DMGDH: variants seen among roughly 807,000 people sequenced by gnomAD.
DMGDH encodes dimethylglycine dehydrogenase.
DMGDH carries 76 observed loss-of-function variants against 95.2 expected under a neutral mutation model. That is an observed-to-expected ratio of 0.80 (90% CI 0.66 to 0.97). The LOEUF is 0.97. Ranked by LOEUF, DMGDH falls within the 50% of genes least tolerant of loss-of-function variation. The pLI is 0.00. For missense variants in DMGDH, 987 were observed against 1,055.0 expected, an observed-to-expected ratio of 0.94 and a Z score of 0.89; for synonymous variants, 345 against 377.6, an observed-to-expected ratio of 0.91 and a Z score of 1.00.
chr5:79,025,553 G>C (rs886608797), intron 13 of DMGDH, among the ~76,000 whole-genome samples: 2 of 152,134 alleles, frequency 1.3e-5, no homozygotes, highest in Non-Finnish European at 2.9e-5. Flanking sequence ...TACTATCTAT[G>C]ATAATTCTGT....
chr5:79,018,275 G>A (rs2112608940), intron 14 of DMGDH, among the ~76,000 whole-genome samples: 1 of 152,194 alleles, frequency 6.6e-6, no homozygotes, highest in East Asian at 1.9e-4. Flanking sequence ...CTGGGTTGAG[G>A]CAACCCTTCC....
At chr5:79,060,564 G>A (rs1561230985) in intron 2 of DMGDH, among the ~76,000 whole-genome samples, 1 of 152,004 alleles carries the variant, frequency 6.6e-6, no homozygotes, top group Admixed American at 6.6e-5. Context: ...TCTGCCTCTT[G>A]TTAGCTGGCT....
At chr5:79,000,049 C>T (rs1175215781) in intron 15 of DMGDH, 2 of 316,578 alleles carry the variant, frequency 6.3e-6, no homozygotes, top group Non-Finnish European at 1.2e-5. Flanking sequence ...ATTGTCACCT[C>T]AGCCCATAAC....
At chr5:79,067,235 G>A (rs1181124496) in intron 1 of DMGDH, among the ~76,000 whole-genome samples, 1 of 152,072 alleles carries the variant, frequency 6.6e-6, no homozygotes, top group East Asian at 1.9e-4. Flanking sequence ...TGTTTCACCG[G>A]TTTTTAGATG....
At chr5:79,000,163 G>C in intron 15 of DMGDH, 2 of 578,498 alleles carry the variant, frequency 3.5e-6, no homozygotes, top group South Asian at 1.4e-5. Context: ...AATGTGTGTT[G>C]TTCTTCTCCA....
At chr5:79,000,118 G>GT (rs961956939) in intron 15 of DMGDH, 76 of 455,914 alleles carry the variant, frequency 1.7e-4, no homozygotes, top group East Asian at 3.3e-4. Flanking sequence ...AACATTTTTT[G>GT]TTTTTTTTCC....
intron 2 of DMGDH, among the ~76,000 whole-genome samples, chr5:79,062,489 A>G (rs1755239430): frequency 6.6e-6 from 1 of 151,436 alleles, no homozygotes; most frequent in Non-Finnish European, 1.5e-5. Flanking sequence ...AAATGGGATG[A>G]TGAGCAGGGG....
chr5:78,998,133 G>C lies in DMGDH; in HGVS notation c.2550C>G (p.Thr850=). Residue 850 remains threonine (T), a synonymous_variant, in exon 16 of 16, where the codon ACC becomes ACG. Transcript: ENST00000255189. Reference sequence around the variant, plus strand: ...TCTGAAGCCGGTTTCTGGTTGGTTCGGTCAATACCAAAGGTTCTTGTATGA... The same window carrying C: ...TCTGAAGCCGGTTTCTGGTTGGTTCCGTCAATACCAAAGGTTCTTGTATGA... The part of the protein sequence containing the change: ...AVIIQEPLVL[T]EPTRNRLQKK... 1.2e-6 allele frequency: 2 copies of C among 1,614,076 alleles called. No homozygotes were observed. The highest frequency in any genetic ancestry group is 1.7e-6 in the Non-Finnish European group (2 of 1,180,004).
At chr5:79,011,573 T>C (rs549585886) in intron 14 of DMGDH, among the ~76,000 whole-genome samples, 14 of 152,304 alleles carry the variant, frequency 9.2e-5, no homozygotes, top group Non-Finnish European at 5.9e-5. Flanking sequence ...CTGGGTAATA[T>C]ATAAAGAAAA....
intron 14 of DMGDH, among the ~76,000 whole-genome samples, chr5:79,018,830 C>G (rs899507343): frequency 2.6e-5 from 4 of 152,152 alleles, no homozygotes; most frequent in African/African-American, 9.7e-5. Context: ...TGTTTCATAA[C>G]AGAAATTGGA....
chr5:79,012,522 G>A (rs1289635854), intron 14 of DMGDH, among the ~76,000 whole-genome samples: 1 of 152,232 alleles, frequency 6.6e-6, no homozygotes, highest in African/African-American at 2.4e-5. Flanking sequence ...TGGGGACTCT[G>A]TGTGGGGGCT....
Position 79,026,430 on chromosome 5 carries a change from C to T in DMGDH, c.2184G>A (p.Gly728=). Residue 728 remains glycine, a synonymous_variant, in exon 13 of 16, where the codon GGG becomes GGA. Transcript: ENST00000255189. ...LRLEKAFRAW[G]LEMNCDTNPL... is the part of the protein sequence containing the mutation. Reference sequence around the variant, plus strand: ...AGATGCTAGCATTTCAAACCTCTAACCCCCAGGCTCTGAAGGCTTTCTCCA... The same window carrying T: ...AGATGCTAGCATTTCAAACCTCTAATCCCCAGGCTCTGAAGGCTTTCTCCA... 1 of 1,614,120 alleles carries T rather than the reference C, an allele frequency of 6.2e-7. No individual in the cohort carries two copies. Among genetic ancestry groups the T allele is most frequent in the Non-Finnish European group, 8.5e-7 (1 of 1,179,996 alleles).
At chr5:79,022,387 C>G (rs1211316268) in intron 14 of DMGDH, among the ~76,000 whole-genome samples, 1 of 152,132 alleles carries the variant, frequency 6.6e-6, no homozygotes, top group Non-Finnish European at 1.5e-5. Flanking sequence ...TTATAGACTG[C>G]TACAAAACCA....
intron 14 of DMGDH, among the ~76,000 whole-genome samples, chr5:79,013,249 T>C (rs925199358): frequency 3.9e-5 from 6 of 152,188 alleles, no homozygotes; most frequent in Non-Finnish European, 7.3e-5. Context: ...CTAAGATCCA[T>C]AGATCCCTAG....
chr5:79,037,718 A>G (rs1754383633), intron 7 of DMGDH, among the ~76,000 whole-genome samples: 1 of 152,178 alleles, frequency 6.6e-6, no homozygotes, highest in Non-Finnish European at 1.5e-5. Flanking sequence ...TTCTTTAGCA[A>G]TTAGTTAATA....
At chr5:79,048,664 C>G (rs1754749353) in intron 5 of DMGDH, among the ~76,000 whole-genome samples, 1 of 152,026 alleles carries the variant, frequency 6.6e-6, no homozygotes, top group African/African-American at 2.4e-5. Context: ...GGGAGCATAT[C>G]CAAACTTTTG....
At chr5:79,006,409 T>C (rs1016336528) in intron 14 of DMGDH, among the ~76,000 whole-genome samples, 3 of 152,126 alleles carry the variant, frequency 2.0e-5, no homozygotes, top group African/African-American at 2.4e-5. Flanking sequence ...TGTGATAAAC[T>C]AGTCAGAGGT....
rs1580194408 is a variant in DMGDH at position 79,024,280 on chromosome 5, C to T, written c.2241G>A (p.Lys747=). ...TGGAATGTAAACATACCTTATTTAA[C>T]TTCACAAAATATTCCAGTCCAGCTT... ...PLEAGLEYFV[K]LNKPADFIGK... The change falls in exon 14 of 16, where the codon AAG becomes AAA. Residue 747 remains lysine, a synonymous_variant. Coordinates refer to ENST00000255189, the MANE Select transcript of DMGDH (RefSeq NM_013391.3). 1.2e-6 allele frequency: 2 copies of T among 1,613,318 alleles called. No individual in the cohort carries two copies. Among genetic ancestry groups the T allele is most frequent in the Non-Finnish European group, 1.7e-6 (2 of 1,179,472 alleles).
At chr5:79,054,475 T>C (rs1237929983) in intron 3 of DMGDH, 127 bp from the exon 4 acceptor site, 4 of 975,510 alleles carry the variant, frequency 4.1e-6, no homozygotes, top group Non-Finnish European at 4.7e-6. Context: ...GAAATAACTA[T>C]TAAAATATTT....
Sources: gnomAD v4.1 joint callset for allele counts (sites outside exome capture counted in the v4.1 genomes callset) on GRCh38, gnomAD v4.1.1 for gene constraint, MANE v1.5 for transcripts, NCBI Gene and HGNC (gene_info 2026-07-23, HGNC 2026-07-21) for gene names.